Variants in TEX11 observed in about 807,000 individuals in gnomAD.
The protein encoded by TEX11 is testis-expressed protein 11.
Under a neutral mutation model 84.4 loss-of-function variants are expected in TEX11, and 7 were observed. The ratio of observed to expected loss-of-function variants is 0.08; its 90% CI spans 0.05 to 0.16. The LOEUF is 0.16. Among genes scored for constraint, TEX11 ranks in the 10% least tolerant of loss-of-function variants. The pLI, the probability that TEX11 is intolerant of heterozygous loss-of-function variation, is 1.00. For synonymous variants in TEX11, 264 were observed against 222.8 expected (o/e 1.18, Z -1.64); for missense variants, 551 against 660.5 (o/e 0.83, Z 1.82).
intron 9 of TEX11, among the ~76,000 whole-genome samples, chrX:70,777,043 TATTA>T (rs750412370): frequency 1.1e-4 from 12 of 108,112 alleles, no homozygotes; most frequent in Non-Finnish European, 2.3e-4. Flanking sequence ...TTATTATTAT[TATTA>T]TTTTTTTTTT....
At chrX:70,713,327 C>T (rs1445484901) in intron 13 of TEX11, among the ~76,000 whole-genome samples, 2 of 111,739 alleles carry the variant, frequency 1.8e-5, no homozygotes, top group African/African-American at 3.3e-5. Flanking sequence ...CGGAGGATTC[C>T]CTCTTTTTCT....
chrX:70,904,454 A>G, intron 2 of TEX11, among the ~76,000 whole-genome samples: 1 of 112,200 alleles, frequency 8.9e-6, no homozygotes, highest in Non-Finnish European at 1.9e-5. Flanking sequence ...GTAAATCTAA[A>G]ATTATTCCAA....
intron 2 of TEX11, among the ~76,000 whole-genome samples, chrX:70,894,494 C>T (rs766442526): frequency 1.8e-5 from 2 of 109,973 alleles, no homozygotes; most frequent in Admixed American, 9.8e-5. Context: ...GGCGTGGTGG[C>T]GCATGCCTGT....
intron 17 of TEX11, among the ~76,000 whole-genome samples, chrX:70,633,031 G>C (rs1774296736): frequency 8.9e-6 from 1 of 111,758 alleles, no homozygotes; most frequent in Admixed American, 9.5e-5. Flanking sequence ...AACTCTTCCA[G>C]AAAACTGAAA....
the TEX11 span, among the ~76,000 whole-genome samples, chrX:70,520,251 G>T: frequency 1.8e-5 from 2 of 112,015 alleles, no homozygotes; most frequent in Non-Finnish European, 3.8e-5. Flanking sequence ...CCATCTTTGT[G>T]GTTTCATCTA....
At chrX:70,668,582 A>G (rs2089996826) in intron 16 of TEX11, among the ~76,000 whole-genome samples, 1 of 112,464 alleles carries the variant, frequency 8.9e-6, no homozygotes, top group Non-Finnish European at 1.9e-5. Context: ...CTGGCCATAA[A>G]TGATACAGTT....
At chrX:70,656,983 C>A (rs765279136) in intron 16 of TEX11, among the ~76,000 whole-genome samples, 25 of 111,283 alleles carry the variant, frequency 2.2e-4, no homozygotes, top group Admixed American at 3.8e-4. Flanking sequence ...AGGACAGTGA[C>A]AACAAAGATG....
Position 70,683,663 on chromosome X carries a change from G to GA in TEX11, c.1005-839dup, listed in dbSNP as rs1276840178. Among the ~76,000 whole-genome samples the GA allele has an allele frequency of 5.4e-5, 6 of 111,213 alleles. No individual in the cohort carries two copies. The South Asian group carries it at 2.3e-3, about 43-fold the overall frequency. ...CCCAATGATGTGTTTTGCAGAAATG[G>GA]AAAAAATCCATCCTAAAATTAATAT... On this transcript the variant is annotated intron_variant, in intron 13 of 29. Transcript: ENST00000374333.
intron 9 of TEX11, among the ~76,000 whole-genome samples, chrX:70,804,004 TA>T (rs908786697): frequency 2.0e-4 from 22 of 111,285 alleles, no homozygotes; most frequent in African/African-American, 5.9e-4. Flanking sequence ...TTTTTTTTTT[TA>T]ATTGTTCCAA....
chrX:70,667,411 G>C (rs1288463874), intron 16 of TEX11, among the ~76,000 whole-genome samples: 1 of 112,015 alleles, frequency 8.9e-6, no homozygotes, highest in Non-Finnish European at 1.9e-5. Flanking sequence ...GTGGATAAAG[G>C]TTTTTATATA....
intron 8 of TEX11, among the ~76,000 whole-genome samples, chrX:70,809,789 G>A (rs1207592488): frequency 3.6e-5 from 4 of 110,681 alleles, no homozygotes; most frequent in Non-Finnish European, 5.7e-5. Flanking sequence ...CTCTGCCTCC[G>A]AGGTTCAACC....
Position 70,605,433 on chromosome X carries a change from G to T in TEX11, c.2035C>A (p.Gln679Lys). The T allele has an allele frequency of 8.3e-7, 1 of 1,207,781 alleles. No individual in the cohort carries two copies. ...LLMAVAVDLE[Q>K]GRKASTAFEQ... The stretch of plus-strand genomic sequence containing the variant: ...AAAGCTGTTGAAGCTTTTCTCCCTT[G>T]CTCTAGATCAACTGCAACTGCCATA... The change falls in exon 24 of 30, where the codon CAA becomes AAA. Residue 679 changes from glutamine to lysine, a missense_variant. By Grantham distance (53) the Gln-to-Lys change is moderately conservative. Coordinates refer to ENST00000374333, the MANE Select transcript of TEX11 (RefSeq NM_031276.3).
intron 13 of TEX11, among the ~76,000 whole-genome samples, chrX:70,717,281 C>T (rs1004276679): frequency 1.1e-4 from 12 of 110,615 alleles, no homozygotes; most frequent in Non-Finnish European, 2.3e-4. Context: ...GTCTGAACTA[C>T]ATTAGCTTAG....
At chrX:70,789,820 C>G (rs750981519) in intron 9 of TEX11, among the ~76,000 whole-genome samples, 1 of 112,020 alleles carries the variant, frequency 8.9e-6, no homozygotes, top group African/African-American at 3.2e-5. Context: ...GTCAAAGAGA[C>G]GTCTACACTT....
chrX:70,619,481 A>G (rs2089356961), intron 20 of TEX11, among the ~76,000 whole-genome samples: 2 of 111,314 alleles, frequency 1.8e-5, no homozygotes, highest in Non-Finnish European at 3.8e-5. Context: ...TCAAATGTGG[A>G]AAAGTTTGGT....
Position 70,880,093 on chromosome X carries a change from C to T in TEX11, c.54G>A (p.Leu18=). 1 of 1,184,094 alleles carries T rather than the reference C, an allele frequency of 8.4e-7. No individual in the cohort carries two copies. The highest frequency in any genetic ancestry group is 1.1e-6 in the Non-Finnish European group (1 of 878,237). Residue 18 remains leucine (L), a synonymous_variant, in exon 3 of 30, where the codon CTG becomes CTA. Transcript: ENST00000374333. Reference sequence around the variant, plus strand: ...TGTTAGGTGAATTATCATTTGTAACCAGGTTTTCAACAACTTCTGAAATGA... The same window carrying T: ...TGTTAGGTGAATTATCATTTGTAACTAGGTTTTCAACAACTTCTGAAATGA... ...SMDFKEVVEN[L]VTNDNSPNIP...
chrX:70,729,853 A>C (rs1406191835), intron 11 of TEX11, among the ~76,000 whole-genome samples: 1 of 111,437 alleles, frequency 9.0e-6, no homozygotes, highest in Non-Finnish European at 1.9e-5. Flanking sequence ...AAGACACATA[A>C]TTGTCAGATT....
intron 8 of TEX11, among the ~76,000 whole-genome samples, chrX:70,816,367 A>T (rs776115229): frequency 9.0e-6 from 1 of 111,692 alleles, no homozygotes; most frequent in African/African-American, 3.2e-5. Context: ...ATAATTTTCC[A>T]GGGGGACAGA....
chrX:70,821,719 A>G (rs890175849), intron 8 of TEX11, among the ~76,000 whole-genome samples: 1 of 112,184 alleles, frequency 8.9e-6, no homozygotes, highest in Admixed American at 9.4e-5. Flanking sequence ...CAACACCACG[A>G]TGGGACATCA....
Sources: gnomAD v4.1 joint callset for allele counts (sites outside exome capture counted in the v4.1 genomes callset) on GRCh38, gnomAD v4.1.1 for gene constraint, MANE v1.5 for transcripts, NCBI Gene and HGNC (gene_info 2026-07-23, HGNC 2026-07-21) for gene names.